The following FAR2 variants were observed in gnomAD, a reference collection of about 807,000 sequenced individuals.
FAR2 encodes the protein fatty acyl-CoA reductase 2.
Under a neutral mutation model 56.0 loss-of-function variants are expected in FAR2, and 19 were observed. The observed-to-expected ratio is 0.34, with a 90% CI of 0.24 to 0.50. The LOEUF (loss-of-function observed/expected upper bound fraction) is 0.50. FAR2 is among the 20% of genes least tolerant of loss of function. The probability of loss-of-function intolerance (pLI) is 0.98; values close to 1 mark genes in which losing one functional copy is unlikely to be tolerated. For missense variants in FAR2, 508 were observed against 642.2 expected (o/e 0.79, Z 2.26); for synonymous variants, 219 against 218.8 (o/e 1.00, Z -0.01).
At chr12:29,188,371 A>G (rs1340150140) in intron 1 of FAR2, among the ~76,000 whole-genome samples, 1 of 152,048 alleles carries the variant, frequency 6.6e-6, no homozygotes, top group Non-Finnish European at 1.5e-5. Flanking sequence ...TAGAGTGAAC[A>G]CTCTGCTAAA....
chr12:29,306,550 C>G (rs902336350), intron 4 of FAR2, among the ~76,000 whole-genome samples: 3 of 152,124 alleles, frequency 2.0e-5, no homozygotes, highest in Non-Finnish European at 2.9e-5. Flanking sequence ...AAATATACCA[C>G]ATTGATTAGA....
intron 3 of FAR2, among the ~76,000 whole-genome samples, chr12:29,293,841 A>T (rs1021790940): frequency 1.1e-4 from 17 of 152,138 alleles, no homozygotes; most frequent in African/African-American, 4.1e-4. Flanking sequence ...TATATATATA[A>T]TATATTAAAC....
intron 1 of FAR2, among the ~76,000 whole-genome samples, chr12:29,157,524 A>G (rs538686570): frequency 3.0e-4 from 45 of 152,246 alleles, no homozygotes; most frequent in African/African-American, 1.1e-3. Context: ...GGCTTCTCCA[A>G]CCACTTACTC....
chr12:29,321,713 T>A (rs933941751), intron 9 of FAR2, 82 bp from the exon 10 acceptor site: 1 of 1,475,494 alleles, frequency 6.8e-7, no homozygotes, highest in Admixed American at 2.3e-5. Context: ...TGTATTTTCT[T>A]AAAAATAATT....
At chr12:29,236,232 G>T (rs1204689867) in intron 1 of FAR2, among the ~76,000 whole-genome samples, 1 of 152,076 alleles carries the variant, frequency 6.6e-6, no homozygotes, top group Non-Finnish European at 1.5e-5. Flanking sequence ...GAATAAATCT[G>T]CCAATTAAGA....
At chr12:29,293,268 T>TGTA (rs1350114317) in intron 2 of FAR2, 32 bp from the exon 3 acceptor site, 15 of 1,463,402 alleles carry the variant, frequency 1.0e-5, no homozygotes, top group Non-Finnish European at 1.4e-5. Context: ...ATGGTGCTAT[T>TGTA]TTTTGTATAT....
intron 1 of FAR2, among the ~76,000 whole-genome samples, chr12:29,175,673 G>T (rs1036579310): frequency 7.9e-5 from 12 of 152,180 alleles, no homozygotes; most frequent in African/African-American, 2.9e-4. Context: ...ATGCTGATTG[G>T]TGTATTTACA....
chr12:29,213,687 C>T (rs1436505607), intron 1 of FAR2, among the ~76,000 whole-genome samples: 3 of 62,842 alleles, frequency 4.8e-5, no homozygotes, highest in African/African-American at 1.4e-4. Flanking sequence ...GAGACTCTGT[C>T]TCAAAAAAAA....
chr12:29,279,139 T>C (rs1434368705), intron 2 of FAR2, among the ~76,000 whole-genome samples: 1 of 152,230 alleles, frequency 6.6e-6, no homozygotes. Flanking sequence ...TCTCCAAGAA[T>C]CGTTGAGAAT....
chr12:29,256,449 A>C (rs1296969385), intron 1 of FAR2, among the ~76,000 whole-genome samples: 2 of 152,098 alleles, frequency 1.3e-5, no homozygotes, highest in Non-Finnish European at 2.9e-5. Flanking sequence ...CAGCCTCCCA[A>C]AGTGCTAGGA....
At chr12:29,280,331 C>T (rs1948767830) in intron 2 of FAR2, 1 of 152,218 alleles carries the variant, frequency 6.6e-6, no homozygotes. Flanking sequence ...CAGTTTCACA[C>T]TCTTATCAAG....
intron 1 of FAR2, among the ~76,000 whole-genome samples, chr12:29,259,618 G>A (rs966064679): frequency 2.6e-5 from 4 of 152,010 alleles, no homozygotes; most frequent in Non-Finnish European, 4.4e-5. Context: ...ATTAGAACAG[G>A]CTCATTTTAT....
At chr12:29,274,601 C>G (rs913678736) in intron 2 of FAR2, among the ~76,000 whole-genome samples, 3 of 152,058 alleles carry the variant, frequency 2.0e-5, no homozygotes, top group Non-Finnish European at 4.4e-5. Flanking sequence ...CTGTGACCTG[C>G]ACGTACACAT....
intron 1 of FAR2, among the ~76,000 whole-genome samples, chr12:29,263,692 C>T (rs573416953): frequency 1.4e-4 from 20 of 138,956 alleles, no homozygotes; most frequent in South Asian, 1.2e-3. Context: ...ACATGTACAA[C>T]GTACTAAGAA....
At chr12:29,257,320 T>C (rs1948336624) in intron 1 of FAR2, among the ~76,000 whole-genome samples, 1 of 152,128 alleles carries the variant, frequency 6.6e-6, no homozygotes, top group Admixed American at 6.5e-5. Flanking sequence ...ATCTAGCTAA[T>C]CTGGTGGGGA....
intron 2 of FAR2, among the ~76,000 whole-genome samples, chr12:29,284,456 C>T (rs1948838350): frequency 6.6e-6 from 1 of 152,154 alleles, no homozygotes; most frequent in Admixed American, 6.5e-5. Context: ...TGCACTGGAT[C>T]CTTCAAACCA....
intron 1 of FAR2, chr12:29,223,853 T>A (rs1375620064): frequency 6.6e-6 from 1 of 152,238 alleles, no homozygotes; most frequent in Non-Finnish European, 1.5e-5. Context: ...GCTCGTATTC[T>A]GGTCATAGAG....
intron 1 of FAR2, among the ~76,000 whole-genome samples, chr12:29,194,454 T>C (rs1950128323): frequency 2.0e-5 from 3 of 151,812 alleles, no homozygotes; most frequent in Admixed American, 2.0e-4. Context: ...CTGGGTATTG[T>C]GGCTAGTCCA....
At chr12:29,281,963 C>T (rs1023300840) in intron 2 of FAR2, among the ~76,000 whole-genome samples, 21 of 152,186 alleles carry the variant, frequency 1.4e-4, no homozygotes, top group African/African-American at 5.1e-4. Flanking sequence ...AAAACTCTTT[C>T]ACCCTCACTG....
Sources: allele counts gnomAD v4.1 joint callset (sites outside exome capture counted in the v4.1 genomes callset), GRCh38; gene constraint gnomAD v4.1.1; transcripts MANE v1.5; gene names NCBI Gene and HGNC (gene_info 2026-07-23, HGNC 2026-07-21).